Variants in UCMA observed in about 807,000 individuals in gnomAD.
The protein encoded by UCMA is upper zone of growth plate and cartilage matrix associated.
Under a neutral mutation model 21.8 loss-of-function variants are expected in UCMA, and 21 were observed. That is an observed-to-expected ratio of 0.97 (90% confidence interval 0.68 to 1.39). The LOEUF (loss-of-function observed/expected upper bound fraction) is 1.39. Ranked by LOEUF, UCMA falls within the 40% of genes most tolerant of loss-of-function variation. The pLI, the probability that UCMA is intolerant of heterozygous loss-of-function variation, is 0.00. For missense variants in UCMA, 193 were observed against 178.9 expected (o/e 1.08, Z -0.45); for synonymous variants, 76 against 67.9 (o/e 1.12, Z -0.58).
chr10:13,234,092 A>G (rs1834937964), intron 1 of UCMA, 109 bp downstream of exon 1: 1 of 1,026,744 alleles, frequency 9.7e-7, no homozygotes, highest in Non-Finnish European at 1.4e-6. Flanking sequence ...ACATGTTAAC[A>G]ATAAGCATAC....
intron 1 of UCMA, 41 bp from the exon 2 acceptor site, chr10:13,233,841 G>T: frequency 6.2e-7 from 1 of 1,611,342 alleles, no homozygotes. Context: ...AGCATCAGAG[G>T]GGAGCCCAGA....
intron 4 of UCMA, among the ~76,000 whole-genome samples, chr10:13,225,623 C>A (rs563659896): frequency 6.9e-6 from 1 of 144,024 alleles, no homozygotes; most frequent in African/African-American, 2.6e-5. Flanking sequence ...TTCATTGAGC[C>A]GAGATAGCGC....
At position 13,233,762 on chromosome 10, in the gene UCMA, G is replaced by C; in HGVS notation, c.97C>G (p.Gln33Glu). The C allele has an allele frequency of 1.2e-6, 2 of 1,613,968 alleles. No individual in the cohort carries two copies. Among genetic ancestry groups the C allele is most frequent in the Non-Finnish European group, 1.7e-6 (2 of 1,180,004 alleles). ...EGTSVSVGTM[Q>E]MAGEEASEDA... is the part of the protein sequence containing the mutation. ...TCACTCGCCTCTTCTCCCGCCATCT[G>C]CATGGTGCCCACAGATACACTGGTT... The change falls in exon 2 of 5, where the codon CAG becomes GAG. Residue 33 changes from glutamine to glutamate, a missense_variant. Transcript: ENST00000378681.
At chr10:13,234,032 A>T (rs192818483) in intron 1 of UCMA, among the ~76,000 whole-genome samples, 169 bp downstream of exon 1, 1 of 150,604 alleles carries the variant, frequency 6.6e-6, no homozygotes, top group African/African-American at 2.4e-5. Context: ...TATTATTATT[A>T]TTTTTCTGTA....
At chr10:13,227,879 C>A (rs1329108986) in intron 4 of UCMA, among the ~76,000 whole-genome samples, 1 of 151,660 alleles carries the variant, frequency 6.6e-6, no homozygotes, top group East Asian at 1.9e-4. Context: ...AATCCCACTC[C>A]GTGGAAGGCA....
chr10:13,221,984 C>G lies in UCMA; in HGVS notation c.*119G>C. ...ATGCGTCTTTTCAAGAGCTGCTGGC[C>G]ACTGCAGACCCCAAGCTGAGACCCT... On this transcript the variant is annotated 3_prime_UTR_variant, in exon 5 of 5. Coordinates refer to ENST00000378681, the MANE Select transcript of UCMA (RefSeq NM_145314.3). 1.0e-6 allele frequency: 1 copy of G among 970,064 alleles called. No homozygotes were observed. Among genetic ancestry groups the G allele is most frequent in the South Asian group, 1.5e-5 (1 of 65,390 alleles). The allele number at this position is 970,064 out of a possible 1,614,324, so 60.1% of individuals were successfully genotyped here.
intron 4 of UCMA, among the ~76,000 whole-genome samples, chr10:13,225,202 C>T (rs951604242): frequency 1.1e-4 from 16 of 152,030 alleles, no homozygotes; most frequent in African/African-American, 3.4e-4. Context: ...TACAGGCATG[C>T]ACCACCATGC....
intron 4 of UCMA, among the ~76,000 whole-genome samples, chr10:13,228,147 C>T (rs1321695090): frequency 6.6e-6 from 1 of 151,948 alleles, no homozygotes; most frequent in Non-Finnish European, 1.5e-5. Context: ...GCAAGCTCCA[C>T]CTCCAAGTTT....
intron 4 of UCMA, among the ~76,000 whole-genome samples, chr10:13,226,995 G>A (rs1036016889): frequency 6.6e-6 from 1 of 152,116 alleles, no homozygotes. Context: ...GAATTTTGAA[G>A]GCCACATTCT....
At chr10:13,222,315 T>A (rs1157881899) in intron 4 of UCMA, 115 bp from the exon 5 acceptor site, 23 of 862,664 alleles carry the variant, frequency 2.7e-5, no homozygotes, top group East Asian at 5.2e-5. Context: ...AGAGTGTTTG[T>A]GAGCCCTGGT....
In UCMA at chr10:13,222,107, G is replaced by C. The variant is rs140771568; in HGVS notation, c.413C>G (p.Thr138Ser). Residue 138 changes from threonine to serine, a missense_variant, in exon 5 of 5, where the codon ACC (threonine) becomes AGC (serine). Transcript: ENST00000378681. Reference protein sequence around the residue: ...HPSYLYNRHHT With the variant: ...HPSYLYNRHHS Reference sequence around the variant, plus strand: ...TTGGCCGGCTTCAGGATGGGATCAGGTGTGGTGGCGGTTGTAGAGATAGGA... The same window carrying C: ...TTGGCCGGCTTCAGGATGGGATCAGCTGTGGTGGCGGTTGTAGAGATAGGA... 5.9e-3 allele frequency: 9,496 copies of C among 1,614,144 alleles called. 41 individuals carry two copies. Among genetic ancestry groups the C allele is most frequent in the Non-Finnish European group, 7.1e-3 (8,333 of 1,179,990 alleles).
At chr10:13,229,844 A>T in intron 3 of UCMA, 135 bp from the exon 4 acceptor site, 1 of 644,946 alleles carries the variant, frequency 1.6e-6, no homozygotes, top group Non-Finnish European at 2.7e-6. Context: ...GTGATTGGAG[A>T]CTTCCCTGAA....
rs561213870 is a variant in UCMA, at chr10:13,234,262, T to C, written c.-4A>G. On this transcript the variant is annotated 5_prime_UTR_variant, in exon 1 of 5. Coordinates refer to ENST00000378681, the MANE Select transcript of UCMA (RefSeq NM_145314.3). ...GGACGGCCTGTCTCCAAGTCATCTT[T>C]GCAGAGGTAGGGGCTCCGTCCAGGA... The C allele has an allele frequency of 2.7e-4, 430 of 1,613,658 alleles. 8 individuals are homozygous for C. In the South Asian group the frequency reaches 4.4e-3, roughly 16 times the overall value.
At position 13,229,809 on chromosome 10, in the gene UCMA, G is replaced by A. The variant is rs573989280; in HGVS notation, c.221-100C>T. 1.4e-4 allele frequency: 123 copies of A among 910,790 alleles called. 1 individual carries two copies. In the South Asian group the frequency reaches 1.7e-3, roughly 13 times the overall value. The allele number at this position is 910,790 out of a possible 1,614,324, so 56.4% of individuals were successfully genotyped here. A position where few individuals can be genotyped will look rare whatever the true frequency, so the allele number is the denominator to read the frequency against. On this transcript the variant is annotated intron_variant, in intron 3 of 4. Coordinates refer to ENST00000378681, the MANE Select transcript of UCMA (RefSeq NM_145314.3). The stretch of plus-strand genomic sequence containing the variant: ...GTTCATCTGAGAAGTCACCTGGTTG[G>A]GGGATGAGTGGTTTGTGGGGGATTG...
chr10:13,234,132 T>C (rs1373027175), intron 1 of UCMA, 69 bp downstream of exon 1: 26 of 1,481,730 alleles, frequency 1.8e-5, no homozygotes, highest in Non-Finnish European at 2.2e-5. Flanking sequence ...CTGAGCAGCC[T>C]TACCTGTGCA....
In UCMA at chr10:13,233,560, G is replaced by C; in HGVS notation, c.198C>G (p.Pro66=). 1 of 1,613,840 alleles carries C rather than the reference G, an allele frequency of 6.2e-7. No homozygotes were observed. Among genetic ancestry groups the C allele is most frequent in the South Asian group, 1.1e-5 (1 of 91,070 alleles). ...TACCATTGACCTCATCTCTGGACTTGGGGGACCGCTTGCCGCGCCTCTTGA... is the reference window on the plus strand; with the variant it reads ...TACCATTGACCTCATCTCTGGACTTCGGGGACCGCTTGCCGCGCCTCTTGA... ...NFLKRRGKRS[P]KSRDEVNVEN... The change falls in exon 3 of 5, where the codon CCC becomes CCG. Residue 66 remains proline, a synonymous_variant. Coordinates refer to ENST00000378681, the MANE Select transcript of UCMA (RefSeq NM_145314.3).
chr10:13,223,040 C>A (rs1200463970), intron 4 of UCMA, among the ~76,000 whole-genome samples: 1 of 151,812 alleles, frequency 6.6e-6, no homozygotes, highest in African/African-American at 2.4e-5. Context: ...ACTTGGCCAA[C>A]ATGGTGAAAC....
At chr10:13,233,674 G>T in intron 2 of UCMA, 41 bp from the exon 3 acceptor site, 1 of 1,613,714 alleles carries the variant, frequency 6.2e-7, no homozygotes, top group Non-Finnish European at 8.5e-7. Flanking sequence ...GTGTGGGGGT[G>T]CTGGGGCTGC....
At chr10:13,223,553 G>A (rs1160304870) in intron 4 of UCMA, among the ~76,000 whole-genome samples, 2 of 151,904 alleles carry the variant, frequency 1.3e-5, no homozygotes, top group African/African-American at 4.8e-5. Flanking sequence ...GTCTAGAATG[G>A]GCAAGTTTTT....
Sources: gnomAD v4.1 joint callset for allele counts (sites outside exome capture counted in the v4.1 genomes callset) on GRCh38, gnomAD v4.1.1 for gene constraint, MANE v1.5 for transcripts, NCBI Gene and HGNC (gene_info 2026-07-23, HGNC 2026-07-21) for gene names.